The following DYNC2H1 variants were observed in gnomAD, a reference collection of about 807,000 sequenced individuals.
The protein encoded by DYNC2H1 is dynein cytoplasmic 2 heavy chain 1, also known as cytoplasmic dynein 2 heavy chain 1.
Under a neutral mutation model 570.0 loss-of-function variants are expected in DYNC2H1, and 410 were observed. The ratio of observed to expected loss-of-function variants is 0.72; its 90% confidence interval spans 0.66 to 0.78. The LOEUF (loss-of-function observed/expected upper bound fraction) is 0.78. Among genes scored for constraint, DYNC2H1 ranks in the 30% least tolerant of loss-of-function variants. The pLI is 0.00. For synonymous variants in DYNC2H1, 1,688 were observed against 1,677.6 expected, an observed-to-expected ratio of 1.01 and a Z score of -0.15; for missense variants, 4,865 against 5,046.4, an observed-to-expected ratio of 0.96 and a Z score of 1.09.
chr11:103,279,709 C>T (rs1228927213), intron 70 of DYNC2H1, among the ~76,000 whole-genome samples: 1 of 152,066 alleles, frequency 6.6e-6, no homozygotes, highest in East Asian at 1.9e-4. Context: ...GTTTTTGGTT[C>T]TGCTTTCGTT....
intron 55 of DYNC2H1, among the ~76,000 whole-genome samples, chr11:103,216,274 T>A (rs1863379976): frequency 6.6e-6 from 1 of 152,272 alleles, no homozygotes; most frequent in African/African-American, 2.4e-5. Flanking sequence ...ACTTTCATGA[T>A]GTTTTGTATT....
chr11:103,235,036 A>G (rs1217354614), intron 61 of DYNC2H1, among the ~76,000 whole-genome samples: 1 of 151,640 alleles, frequency 6.6e-6, no homozygotes, highest in Non-Finnish European at 1.5e-5. Flanking sequence ...GACTTTTTTA[A>G]TGTATCCTCC....
intron 30 of DYNC2H1, among the ~76,000 whole-genome samples, chr11:103,164,683 T>C (rs1469667256): frequency 6.6e-6 from 1 of 152,220 alleles, no homozygotes; most frequent in Non-Finnish European, 1.5e-5. Flanking sequence ...TTGAAGGTTA[T>C]TTCATAATGT....
intron 88 of DYNC2H1, 104 bp from the exon 89 acceptor site, chr11:103,478,991 A>G (rs919818210): frequency 7.7e-7 from 1 of 1,291,806 alleles, no homozygotes; most frequent in Non-Finnish European, 1.0e-6. Context: ...TTAATTTGAA[A>G]CATTTCATAA....
rs183593641 is a variant in DYNC2H1, at chr11:103,418,012, C to G, written c.12367-17931C>G. On this transcript the variant is annotated intron_variant, in intron 84 of 88. Coordinates refer to ENST00000375735, the MANE Select transcript of DYNC2H1 (RefSeq NM_001377.3). ...GATTAAAAAAAAAAAAAAACTTTAG[C>G]AAACTAAGATTAGAAGTGAACCTCT... 2.7e-3 allele frequency among the ~76,000 whole-genome samples: 391 copies of G among 147,508 alleles called. 4 individuals carry two copies. Among genetic ancestry groups the G allele is most frequent in the African/African-American group, 9.0e-3 (361 of 40,088 alleles).
In DYNC2H1 at chr11:103,129,586, A is replaced by T. The variant is rs963668447; in HGVS notation, c.1953+581A>T. 1.1e-4 allele frequency among the ~76,000 whole-genome samples: 16 copies of T among 151,760 alleles called. No individual in the cohort carries two copies. Among genetic ancestry groups the T allele is most frequent in the African/African-American group, 3.4e-4 (14 of 41,358 alleles). On this transcript the variant is annotated intron_variant, in intron 13 of 88. Transcript: ENST00000375735. The surrounding 1 kb of genome is among the most constrained non-coding windows in gnomAD (Gnocchi z 4.1). ...GTAATCCCAGCTACTCGGGAGGCTGATGCAGGAGAATCACTTGAACCCAGG... is the reference window on the plus strand; with the variant it reads ...GTAATCCCAGCTACTCGGGAGGCTGTTGCAGGAGAATCACTTGAACCCAGG...
chr11:103,455,895 A>T (rs1232046330), intron 86 of DYNC2H1, among the ~76,000 whole-genome samples: 3 of 152,176 alleles, frequency 2.0e-5, no homozygotes, highest in Admixed American at 2.0e-4. Context: ...AACAAAATTT[A>T]GTTGTTTAGT....
chr11:103,115,443 T>A (rs11225551), intron 4 of DYNC2H1, 148 bp downstream of exon 4: 10 of 517,842 alleles, frequency 1.9e-5, no homozygotes, highest in Non-Finnish European at 3.4e-5. Context: ...AAGTTGTATA[T>A]GTAAAATGAA....
chr11:103,164,538 G>A (rs899831607), intron 30 of DYNC2H1, among the ~76,000 whole-genome samples: 2 of 152,102 alleles, frequency 1.3e-5, no homozygotes, highest in African/African-American at 4.8e-5. Context: ...TTTGGTATGG[G>A]AAGGAGGCAG....
chr11:103,137,021 C>T (rs1235718058), intron 17 of DYNC2H1, among the ~76,000 whole-genome samples: 2 of 150,472 alleles, frequency 1.3e-5, no homozygotes, highest in South Asian at 4.2e-4. Context: ...GCATAAATGT[C>T]TTCTTTTGAG....
chr11:103,434,393 T>A (rs1262351873), intron 84 of DYNC2H1, among the ~76,000 whole-genome samples: 1 of 151,254 alleles, frequency 6.6e-6, no homozygotes, highest in African/African-American at 2.4e-5. Flanking sequence ...GCCCTATTGT[T>A]TAACAGAGGG....
rs1303062900 is a variant in DYNC2H1 at position 103,326,430 on chromosome 11, AC to A, written c.12039+2442del. Among the ~76,000 whole-genome samples, 1 of 152,012 alleles carries A rather than the reference AC, an allele frequency of 6.6e-6. No individual in the cohort carries two copies. Among genetic ancestry groups the A allele is most frequent in the Non-Finnish European group, 1.5e-5 (1 of 67,994 alleles). On this transcript the variant is annotated intron_variant, in intron 82 of 88. Coordinates refer to ENST00000375735, the MANE Select transcript of DYNC2H1 (RefSeq NM_001377.3). This position sits in a 1 kb window ranked among gnomAD's most constrained non-coding sequence, Gnocchi z 6.1. ...GCCAGCCCTGTGGAGGGACGTACGA[AC>A]CGCCTCTGTGCTGGCCCACAAACCT...
Position 103,299,054 on chromosome 11 carries a change from C to T in DYNC2H1, c.11096-4039C>T, listed in dbSNP as rs547346985. On this transcript the variant is annotated intron_variant, in intron 75 of 88. Transcript: ENST00000375735. The surrounding 1 kb of genome is among the most constrained non-coding windows in gnomAD (Gnocchi z 4.5). ...CTGATATAATTTTGACTTAAAATGA[C>T]TATCATGAGGAGTATATTATACTAT... 6.6e-6 allele frequency among the ~76,000 whole-genome samples: 1 copy of T among 152,170 alleles called. No individual in the cohort carries two copies. The highest frequency in any genetic ancestry group is 2.4e-5 in the African/African-American group (1 of 41,550).
At chr11:103,282,266 GA>G in intron 72 of DYNC2H1, 37 bp downstream of exon 72, 1 of 1,591,968 alleles carries the variant, frequency 6.3e-7, no homozygotes, top group Admixed American at 1.7e-5. Context: ...TGCTCTTAAA[GA>G]AAATATTTCT....
At chr11:103,159,278 C>T (rs923170317) in intron 28 of DYNC2H1, among the ~76,000 whole-genome samples, 2 of 152,044 alleles carry the variant, frequency 1.3e-5, no homozygotes, top group African/African-American at 4.8e-5. Context: ...GGGCATTTAG[C>T]TCAGTTTTAG....
chr11:103,231,204 C>T, intron 59 of DYNC2H1, 56 bp from the exon 60 acceptor site: 1 of 1,098,468 alleles, frequency 9.1e-7, no homozygotes, highest in Non-Finnish European at 1.3e-6. Flanking sequence ...GCTGCTGCTG[C>T]TTTATAGTTG....
At chr11:103,235,305 G>T (rs946842528) in intron 61 of DYNC2H1, among the ~76,000 whole-genome samples, 1 of 151,616 alleles carries the variant, frequency 6.6e-6, no homozygotes, top group Non-Finnish European at 1.5e-5. Context: ...TTTGCTAATG[G>T]GTCTTCATGC....
chr11:103,425,176 C>G (rs1228099411), intron 84 of DYNC2H1, among the ~76,000 whole-genome samples: 5 of 151,864 alleles, frequency 3.3e-5, no homozygotes, highest in South Asian at 2.1e-4. Context: ...TGTGGTCAAG[C>G]GATCCTCTTG....
At chr11:103,134,683 T>A (rs571344706) in intron 15 of DYNC2H1, among the ~76,000 whole-genome samples, 1 of 152,244 alleles carries the variant, frequency 6.6e-6, no homozygotes. Context: ...GTTTTTGTCT[T>A]GGTATTTAAA....
Sources: allele counts gnomAD v4.1 joint callset (sites outside exome capture counted in the v4.1 genomes callset), GRCh38; gene constraint gnomAD v4.1.1; non-coding constraint Gnocchi (gnomAD v3.1); transcripts MANE v1.5; gene names NCBI Gene and HGNC (gene_info 2026-07-23, HGNC 2026-07-21).